Variants in RRP12 observed in about 807,000 individuals in gnomAD.
RRP12 encodes ribosomal RNA processing 12 homolog.
A neutral mutation model predicts 157.3 loss-of-function variants in RRP12; 78 were observed. The observed-to-expected ratio is 0.50, with a 90% CI of 0.41 to 0.60. RRP12 has a LOEUF of 0.60. Ranked by LOEUF, RRP12 falls within the 20% of genes least tolerant of loss-of-function variation. The pLI is 0.00. For missense variants in RRP12, 1,521 were observed against 1,679.9 expected, an observed-to-expected ratio of 0.91 and a Z score of 1.65; for synonymous variants, 726 against 670.9, an observed-to-expected ratio of 1.08 and a Z score of -1.27.
chr10:97,364,055 G>C, intron 29 of RRP12, 152 bp from the exon 30 acceptor site: 2 of 683,338 alleles, frequency 2.9e-6, no homozygotes, highest in Non-Finnish European at 5.3e-6. Flanking sequence ...CCTTCTGCTA[G>C]AAGAGATGAG....
Position 97,359,017 on chromosome 10 carries a change from G to A in RRP12, c.3641-7C>T. 6.2e-7 allele frequency: 1 copy of A among 1,612,634 alleles called. No individual in the cohort carries two copies. The highest frequency in any genetic ancestry group is 1.7e-5 in the Admixed American group (1 of 59,964). ...TGAATGCCAGAGCCTCCAGCTACGG[G>A]GAGAACACAGGACCATGAGTCAGGC... On this transcript the variant is annotated splice_polypyrimidine_tract_variant and splice_region_variant and intron_variant, in intron 31 of 33. Coordinates refer to ENST00000370992, the MANE Select transcript of RRP12 (RefSeq NM_015179.4).
intron 30 of RRP12, 27 bp from the exon 31 acceptor site, chr10:97,360,645 G>C: frequency 6.3e-7 from 1 of 1,580,716 alleles, no homozygotes; most frequent in Non-Finnish European, 8.7e-7. Context: ...GGTGGGTAGT[G>C]AGTGAACCAG....
chr10:97,373,152 A>T lies in RRP12; in HGVS notation c.2075T>A (p.Ile692Asn). The change falls in exon 18 of 34, where the codon ATC (isoleucine) becomes AAC (asparagine). Residue 692 changes from isoleucine to asparagine, a missense_variant. Ile to Asn is a moderately radical substitution (Grantham distance 149). Transcript: ENST00000370992. ...GGGCTGCCCATACAGGTTGAAGAGG[A>T]TCGGCAGAAAGTTCTTGGCAAAGCG... is the stretch of plus-strand genomic sequence containing the variant. The part of the protein sequence containing the change: ...VSRFAKNFLP[I>N]LFNLYGQPVA... 1 of 1,614,188 alleles carries T rather than the reference A, an allele frequency of 6.2e-7. No homozygotes were observed. The highest frequency in any genetic ancestry group is 1.3e-5 in the African/African-American group (1 of 75,060).
intron 15 of RRP12, among the ~76,000 whole-genome samples, chr10:97,376,826 T>C (rs1206610778): frequency 6.6e-6 from 1 of 152,098 alleles, no homozygotes; most frequent in Non-Finnish European, 1.5e-5. Context: ...AGCCAACTTT[T>C]TGTGCAAAAG....
At chr10:97,385,025 G>A in intron 10 of RRP12, 141 bp downstream of exon 10, 1 of 617,486 alleles carries the variant, frequency 1.6e-6, no homozygotes, top group East Asian at 3.1e-5. Flanking sequence ...CCTGGACACA[G>A]GCCCTAAGGA....
At position 97,370,811 on chromosome 10, in the gene RRP12, C is replaced by T. The variant is rs1348465224; in HGVS notation, c.2503-15G>A. 1 of 1,613,086 alleles carries T rather than the reference C, an allele frequency of 6.2e-7. No homozygotes were observed. Among genetic ancestry groups the T allele is most frequent in the African/African-American group, 1.3e-5 (1 of 75,034 alleles). On this transcript the variant is annotated splice_polypyrimidine_tract_variant and intron_variant, in intron 21 of 33. Coordinates refer to ENST00000370992, the MANE Select transcript of RRP12 (RefSeq NM_015179.4). ...TTCAAACGGGGCTGTGGGCAAAGGG[C>T]TACCAGTCAGGACCCCTCAATGCTA...
In RRP12 at chr10:97,388,549, G is replaced by T; in HGVS notation, c.829C>A (p.His277Asn). 1 of 1,614,200 alleles carries T rather than the reference G, an allele frequency of 6.2e-7. No individual in the cohort carries two copies. Among genetic ancestry groups the T allele is most frequent in the Non-Finnish European group, 8.5e-7 (1 of 1,180,038 alleles). Reference protein sequence around the residue: ...SEFMFEKAPAHHPAAISTAKF... With the variant: ...SEFMFEKAPANHPAAISTAKF... Reference sequence around the variant, plus strand: ...GCAGTGGAAATGGCAGCAGGATGATGGGCAGGGGCCTTTTCAAACATGAAT... The same window carrying T: ...GCAGTGGAAATGGCAGCAGGATGATTGGCAGGGGCCTTTTCAAACATGAAT... Residue 277 changes from histidine to asparagine, a missense_variant, in exon 7 of 34, where the codon CAT becomes AAT. Coordinates refer to ENST00000370992, the MANE Select transcript of RRP12 (RefSeq NM_015179.4).
At position 97,370,777 on chromosome 10, in the gene RRP12, A is replaced by T; in HGVS notation, c.2522T>A (p.Leu841Gln). 3.7e-6 allele frequency: 6 copies of T among 1,613,988 alleles called. No homozygotes were observed. Among genetic ancestry groups the T allele is most frequent in the East Asian group, 2.2e-5 (1 of 44,868 alleles). ...PAKRPRLKCL[L>Q]HIVRKLSAEH... is the part of the protein sequence containing the mutation. ...AGCTGAGAGCTTCCTCACGATGTGT[A>T]GGAGGCACTTCAAACGGGGCTGTGG... Residue 841 changes from leucine to glutamine, a missense_variant, in exon 22 of 34, where the codon CTA (leucine) becomes CAA (glutamine). Physicochemically the swap from Leu to Gln is moderately radical, Grantham distance 113. Coordinates refer to ENST00000370992, the MANE Select transcript of RRP12 (RefSeq NM_015179.4).
Position 97,373,857 on chromosome 10 carries a change from A to G in RRP12, c.1836T>C (p.Ser612=), listed in dbSNP as rs1844230446. Residue 612 remains serine, a synonymous_variant, in exon 16 of 34, where the codon TCT becomes TCC. Transcript: ENST00000370992. ...DLAQAGSTVE[S]KIYDTLQWQM... ...GCCACTGGAGTGTGTCGTAGATCTT[A>G]GATTCCACTGTGCTGCCTGCCTGAG... 6.2e-7 allele frequency: 1 copy of G among 1,613,810 alleles called. No homozygotes were observed.
At chr10:97,399,775 G>A (rs189833427) in intron 2 of RRP12, among the ~76,000 whole-genome samples, 7 of 151,496 alleles carry the variant, frequency 4.6e-5, no homozygotes, top group Non-Finnish European at 8.8e-5. Flanking sequence ...AAAATTAGCC[G>A]GGCGTGGTGG....
intron 3 of RRP12, among the ~76,000 whole-genome samples, chr10:97,394,756 C>T (rs575317897): frequency 2.8e-4 from 43 of 152,290 alleles, no homozygotes; most frequent in African/African-American, 8.4e-4. Flanking sequence ...ACTTTTTCTA[C>T]GAAGGACCAG....
intron 13 of RRP12, 52 bp downstream of exon 13, chr10:97,380,747 G>A (rs2133067704): frequency 7.5e-7 from 1 of 1,338,324 alleles, no homozygotes; most frequent in Admixed American, 1.7e-5. Context: ...GGAGCCCATA[G>A]TCCAAGAGCC....
Position 97,388,474 on chromosome 10 carries a change from A to C in RRP12, c.889+15T>G. ...ACTGCCTCCCATCCACCTGCCCTCC[A>C]TTTGGGTTCCCCACCTCCAGACTTC... On this transcript the variant is annotated intron_variant, in intron 7 of 33. Transcript: ENST00000370992. The C allele has an allele frequency of 6.2e-7, 1 of 1,613,876 alleles. No individual in the cohort carries two copies. The highest frequency in any genetic ancestry group is 8.5e-7 in the Non-Finnish European group (1 of 1,179,808).
chr10:97,381,509 T>C, intron 11 of RRP12, 26 bp from the exon 12 acceptor site: 1 of 1,574,754 alleles, frequency 6.4e-7, no homozygotes, highest in Non-Finnish European at 8.7e-7. Context: ...ACAGGCTTTC[T>C]GGGCCCAAGG....
chr10:97,357,962 C>CAA (rs1210048572), intron 33 of RRP12, among the ~76,000 whole-genome samples: 13 of 77,750 alleles, frequency 1.7e-4, no homozygotes, highest in Admixed American at 2.9e-4. Flanking sequence ...GACTCCGTCT[C>CAA]AAAAAAAAAA....
intron 29 of RRP12, 74 bp from the exon 30 acceptor site, chr10:97,363,977 C>T: frequency 1.4e-6 from 2 of 1,400,494 alleles, no homozygotes; most frequent in South Asian, 2.3e-5. Flanking sequence ...CTGCCCCCTC[C>T]TGGCTCACCA....
intron 15 of RRP12, among the ~76,000 whole-genome samples, chr10:97,375,090 T>C (rs183906117): frequency 1.3e-5 from 2 of 152,200 alleles, no homozygotes; most frequent in Admixed American, 1.3e-4. Context: ...TCTTTCTTTC[T>C]TTATAATGCC....
At chr10:97,374,995 G>A (rs1051173952) in intron 15 of RRP12, among the ~76,000 whole-genome samples, 4 of 152,106 alleles carry the variant, frequency 2.6e-5, no homozygotes, top group Non-Finnish European at 5.9e-5. Flanking sequence ...CCCAAGCCAC[G>A]AACTGTGGAG....
chr10:97,389,630 G>A (rs942586892), intron 6 of RRP12, among the ~76,000 whole-genome samples: 6 of 152,272 alleles, frequency 3.9e-5, no homozygotes, highest in African/African-American at 1.2e-4. Flanking sequence ...AGCACCTGCC[G>A]TGAGCCAGGA....
Sources: gnomAD v4.1 joint callset for allele counts (sites outside exome capture counted in the v4.1 genomes callset) on GRCh38, gnomAD v4.1.1 for gene constraint, MANE v1.5 for transcripts, NCBI Gene and HGNC (gene_info 2026-07-23, HGNC 2026-07-21) for gene names.